The following PPP3CC variants were observed in gnomAD, a reference collection of about 807,000 sequenced individuals.
PPP3CC encodes protein phosphatase 3 catalytic subunit gamma.
PPP3CC carries 35 observed loss-of-function variants against 60.3 expected under a neutral mutation model. The observed-to-expected ratio is 0.58, with a 90% CI of 0.44 to 0.77. PPP3CC has a LOEUF of 0.77. PPP3CC is among the 30% of genes least tolerant of loss of function. PPP3CC has a pLI of 0.00. For synonymous variants in PPP3CC, 206 were observed against 224.3 expected, an observed-to-expected ratio of 0.92 and a Z score of 0.73; for missense variants, 570 against 628.9, an observed-to-expected ratio of 0.91 and a Z score of 1.00.
At chr8:22,463,491 G>C (rs973075324) in intron 1 of PPP3CC, among the ~76,000 whole-genome samples, 1 of 152,174 alleles carries the variant, frequency 6.6e-6, no homozygotes, top group African/African-American at 2.4e-5. Flanking sequence ...AACCACCTGT[G>C]GATCATGGGA....
At position 22,487,021 on chromosome 8, in the gene PPP3CC, C is replaced by T. The variant is rs370654416; in HGVS notation, c.373-10980C>T. Among the ~76,000 whole-genome samples, 18 of 152,206 alleles carry T rather than the reference C, an allele frequency of 1.2e-4. 1 individual carries two copies. The highest frequency in any genetic ancestry group is 4.1e-4 in the South Asian group (2 of 4,820). ...CTGGGATTACAGGCATGAGCCACCGCGCCCAGCCCAGACTTTGTGTTTTAT... is the reference window on the plus strand; with the variant it reads ...CTGGGATTACAGGCATGAGCCACCGTGCCCAGCCCAGACTTTGTGTTTTAT... On this transcript the variant is annotated intron_variant, in intron 3 of 13. Transcript: ENST00000240139.
chr8:22,525,840 G>A (rs540039612), intron 8 of PPP3CC, among the ~76,000 whole-genome samples: 4 of 145,190 alleles, frequency 2.8e-5, no homozygotes, highest in East Asian at 2.1e-4. Context: ...TATTACAAGT[G>A]TGTGCCACCA....
intron 1 of PPP3CC, among the ~76,000 whole-genome samples, chr8:22,468,663 T>G (rs1255616932): frequency 6.6e-6 from 1 of 152,192 alleles, no homozygotes; most frequent in Non-Finnish European, 1.5e-5. Context: ...ATTGAATAGA[T>G]TTTCTCATTT....
chr8:22,521,871 C>A (rs1191444652), intron 6 of PPP3CC, among the ~76,000 whole-genome samples: 1 of 150,976 alleles, frequency 6.6e-6, no homozygotes, highest in Non-Finnish European at 1.5e-5. Context: ...AAAATATTTA[C>A]ATCTGCTCCT....
chr8:22,511,706 C>A (rs975416833), intron 5 of PPP3CC, among the ~76,000 whole-genome samples: 1 of 152,168 alleles, frequency 6.6e-6, no homozygotes, highest in Non-Finnish European at 1.5e-5. Flanking sequence ...TTGATATGTA[C>A]CTACCACAAA....
At chr8:22,497,964 T>A in intron 3 of PPP3CC, 37 bp from the exon 4 acceptor site, 1 of 1,425,250 alleles carries the variant, frequency 7.0e-7, no homozygotes, top group Non-Finnish European at 9.8e-7. Flanking sequence ...ATTATAATGG[T>A]CACAAAGAAA....
At position 22,498,028 on chromosome 8, in the gene PPP3CC, A is replaced by T; in HGVS notation, c.400A>T (p.Ile134Phe). ...ECVLYLWSLK[I>F]NHPKTLFLLR... ...TGTGCTGTATTTATGGAGTTTAAAG[A>T]TTAATCATCCCAAAACATTGTTTCT... Residue 134 changes from isoleucine to phenylalanine, a missense_variant, in exon 4 of 14, where the codon ATT becomes TTT. Ile to Phe is a conservative substitution (Grantham distance 21). Transcript: ENST00000240139. 6.2e-7 allele frequency: 1 copy of T among 1,613,054 alleles called. No homozygotes were observed. The highest frequency in any genetic ancestry group is 8.5e-7 in the Non-Finnish European group (1 of 1,179,400).
intron 1 of PPP3CC, among the ~76,000 whole-genome samples, chr8:22,453,017 A>G (rs548601552): frequency 2.5e-4 from 38 of 152,360 alleles, no homozygotes; most frequent in Non-Finnish European, 4.3e-4. Flanking sequence ...ATGTGCAAGC[A>G]TAAGAAGCTT....
chr8:22,501,824 C>G (rs1398312096), intron 4 of PPP3CC, among the ~76,000 whole-genome samples: 1 of 151,990 alleles, frequency 6.6e-6, no homozygotes, highest in Non-Finnish European at 1.5e-5. Context: ...CCAGCCTGGG[C>G]AACATAGTGA....
chr8:22,474,327 A>G (rs1277900264), intron 1 of PPP3CC, among the ~76,000 whole-genome samples: 1 of 152,202 alleles, frequency 6.6e-6, no homozygotes, highest in Non-Finnish European at 1.5e-5. Context: ...ATAGATAGAA[A>G]AACAAAGATA....
chr8:22,528,005 A>G lies in PPP3CC; in HGVS notation c.1069+488A>G, dbSNP rs147303966. ...ATATATTATGGTTTTTTTATTGTAA[A>G]TATCAATTTAAAGTAGCTGACCTAC... is the stretch of plus-strand genomic sequence containing the variant. On this transcript the variant is annotated intron_variant, in intron 9 of 13. Transcript: ENST00000240139. Among the ~76,000 whole-genome samples, 566 of 152,288 alleles carry G rather than the reference A, an allele frequency of 3.7e-3. 5 individuals are homozygous for G. Among genetic ancestry groups the G allele is most frequent in the African/African-American group, 0.013 (536 of 41,544 alleles).
intron 12 of PPP3CC, among the ~76,000 whole-genome samples, chr8:22,535,215 C>T (rs2117155466): frequency 6.6e-6 from 1 of 152,294 alleles, no homozygotes; most frequent in South Asian, 2.1e-4. Context: ...CCAAAATCAC[C>T]TCTTCAATCA....
intron 3 of PPP3CC, among the ~76,000 whole-genome samples, chr8:22,490,441 CT>C (rs112801306): frequency 0.019 from 2,942 of 152,042 alleles, 59 homozygotes; most frequent in East Asian, 0.082. Context: ...TCACTTACCA[CT>C]TTTTTTATAT....
intron 9 of PPP3CC, 62 bp from the exon 10 acceptor site, chr8:22,528,444 C>T (rs975060632): frequency 1.8e-6 from 2 of 1,131,886 alleles, no homozygotes; most frequent in East Asian, 5.3e-5. Flanking sequence ...TAGATATCCA[C>T]ATTATTTTAG....
At position 22,493,621 on chromosome 8, in the gene PPP3CC, G is replaced by A. The variant is rs573479042; in HGVS notation, c.373-4380G>A. 2.0e-5 allele frequency among the ~76,000 whole-genome samples: 3 copies of A among 152,062 alleles called. No homozygotes were observed. The East Asian group carries it at 5.8e-4, about 29-fold the overall frequency. On this transcript the variant is annotated intron_variant, in intron 3 of 13. Coordinates refer to ENST00000240139, the MANE Select transcript of PPP3CC (RefSeq NM_005605.5). ...TGCGCACGCATCTAGGCCTACAGAG[G>A]GTCAGGATCATCAATATCACTGCCT...
intron 1 of PPP3CC, among the ~76,000 whole-genome samples, chr8:22,457,088 T>C (rs1390105261): frequency 7.6e-6 from 1 of 132,092 alleles, no homozygotes; most frequent in Admixed American, 7.7e-5. Context: ...CCTCCCTCCT[T>C]CCTTCCCTCC....
chr8:22,483,632 A>C (rs1168894318), intron 3 of PPP3CC, among the ~76,000 whole-genome samples: 1 of 152,112 alleles, frequency 6.6e-6, no homozygotes, highest in African/African-American at 2.4e-5. Context: ...TCACATACAA[A>C]ATTCCATTTA....
chr8:22,492,664 A>G, intron 3 of PPP3CC: 1 of 714,588 alleles, frequency 1.4e-6, no homozygotes, highest in Non-Finnish European at 2.5e-6. Flanking sequence ...AACTGCAGGC[A>G]CAAGTGCGCA....
intron 1 of PPP3CC, among the ~76,000 whole-genome samples, chr8:22,454,759 TTTAGTC>T (rs1213536599): frequency 2.0e-5 from 3 of 152,172 alleles, no homozygotes; most frequent in African/African-American, 7.2e-5. Context: ...GTTTTCTAAC[TTTAGTC>T]TTAGATATTG....
Sources: allele counts gnomAD v4.1 joint callset (sites outside exome capture counted in the v4.1 genomes callset), GRCh38; gene constraint gnomAD v4.1.1; transcripts MANE v1.5; gene names NCBI Gene and HGNC (gene_info 2026-07-23, HGNC 2026-07-21).